The following CPLANE1 variants were observed in gnomAD, a reference collection of about 807,000 sequenced individuals.
The protein encoded by CPLANE1 is ciliogenesis and planar polarity effector complex subunit 1.
A neutral mutation model predicts 362.5 loss-of-function variants in CPLANE1; 263 were observed. That is an observed-to-expected ratio of 0.73 (90% CI 0.66 to 0.80). The LOEUF (loss-of-function observed/expected upper bound fraction) is 0.80, where lower values mean the gene tolerates loss of function less well. Ranked by LOEUF, CPLANE1 falls within the 30% of genes least tolerant of loss-of-function variation. The probability of loss-of-function intolerance (pLI) is 0.00; values close to 1 mark genes in which losing one functional copy is unlikely to be tolerated. For missense variants in CPLANE1, 3,461 were observed against 3,793.4 expected (o/e 0.91, Z 2.30); for synonymous variants, 1,212 against 1,302.6 (o/e 0.93, Z 1.50).
Position 37,162,559 on chromosome 5 carries a change from T to C in CPLANE1, c.7596A>G (p.Leu2532=), listed in dbSNP as rs201502145. ...LDDFDVPFEM[L]QDDNTSAGLH... Reference sequence around the variant, plus strand: ...ATCCAGCTGAAGTATTATCATCTTGTAGCATTTCTTAAATATAATAAAACA... The same window carrying C: ...ATCCAGCTGAAGTATTATCATCTTGCAGCATTTCTTAAATATAATAAAACA... The change falls in exon 38 of 53, where the codon CTA becomes CTG. Residue 2532 remains leucine, a synonymous_variant. Transcript: ENST00000651892. 2.2e-4 allele frequency: 352 copies of C among 1,603,844 alleles called. 2 individuals are homozygous for C. The highest frequency in any genetic ancestry group is 4.4e-5 in the Non-Finnish European group (52 of 1,171,766).
chr5:37,155,585 G>C (rs1380912216), intron 41 of CPLANE1, among the ~76,000 whole-genome samples: 6 of 152,154 alleles, frequency 3.9e-5, no homozygotes, highest in Non-Finnish European at 5.9e-5. Flanking sequence ...ATGTTGCCAA[G>C]GCCGGTGTCA....
the CPLANE1 span, chr5:37,085,637 GGT>G: frequency 1.0e-6 from 1 of 997,378 alleles, no homozygotes; most frequent in African/African-American, 1.6e-5. Context: ...GGGAATAACT[GGT>G]GTGATCACCA....
intron 51 of CPLANE1, among the ~76,000 whole-genome samples, chr5:37,111,401 C>T (rs551460747): frequency 6.6e-6 from 1 of 152,240 alleles, no homozygotes; most frequent in Non-Finnish European, 1.5e-5. Flanking sequence ...TGGGATTGTA[C>T]AGGCGTGAGC....
At chr5:37,139,558 C>G in intron 44 of CPLANE1, 188 bp from the exon 45 acceptor site, 1 of 1,091,964 alleles carries the variant, frequency 9.2e-7, no homozygotes, top group Non-Finnish European at 1.1e-6. Context: ...TGAATACTGT[C>G]TACATATTTT....
chr5:37,076,862 A>AAAG, the CPLANE1 span, among the ~76,000 whole-genome samples: 2 of 148,738 alleles, frequency 1.3e-5, no homozygotes, highest in African/African-American at 5.0e-5. Context: ...AGTTTTAGGG[A>AAAG]AAGATGATAC....
At chr5:37,219,075 C>A (rs889383703) in intron 15 of CPLANE1, among the ~76,000 whole-genome samples, 3 of 151,852 alleles carry the variant, frequency 2.0e-5, no homozygotes, top group African/African-American at 7.3e-5. Flanking sequence ...TTTAAAAAGT[C>A]ATATACAGAA....
At chr5:37,149,110 C>A (rs1772680597) in intron 42 of CPLANE1, among the ~76,000 whole-genome samples, 1 of 152,018 alleles carries the variant, frequency 6.6e-6, no homozygotes, top group Admixed American at 6.6e-5. Flanking sequence ...ACAAAATTAA[C>A]ATTATTTCCT....
chr5:37,180,455 G>A (rs1163139078), intron 27 of CPLANE1, among the ~76,000 whole-genome samples: 5 of 152,030 alleles, frequency 3.3e-5, no homozygotes, highest in Non-Finnish European at 5.9e-5. Flanking sequence ...TTATTTACTC[G>A]AATGATTGGA....
chr5:37,078,249 A>G, the CPLANE1 span, among the ~76,000 whole-genome samples: 1 of 151,880 alleles, frequency 6.6e-6, no homozygotes, highest in Non-Finnish European at 1.5e-5. Flanking sequence ...CTATGTGTCC[A>G]TGTGTTCTCA....
At chr5:37,164,120 A>G (rs1039002760) in intron 37 of CPLANE1, among the ~76,000 whole-genome samples, 153 bp downstream of exon 37, 3 of 152,176 alleles carry the variant, frequency 2.0e-5, no homozygotes, top group African/African-American at 7.2e-5. Context: ...TCAATTATCA[A>G]ACCTGAGTTG....
At position 37,180,055 on chromosome 5, in the gene CPLANE1, G is replaced by C; in HGVS notation, c.5699C>G (p.Thr1900Arg). Reference protein sequence around the residue: ...DENLLEVEAFTEEEMDMHISD... With the variant: ...DENLLEVEAFREEEMDMHISD... ...TATGTGCATATCCATTTCCTCTTCT[G>C]TAAATGCTTCTACTTCTAAAAGATT... The change falls in exon 28 of 53, where the codon ACA (threonine) becomes AGA (arginine). Residue 1900 changes from threonine to arginine, a missense_variant. Thr to Arg is a moderately conservative substitution (Grantham distance 71). This residue lies in a region of CPLANE1 where 3,380 missense variants were observed against 3,666.1 expected (regional missense o/e 0.92). Transcript: ENST00000651892. The C allele has an allele frequency of 5.1e-6, 8 of 1,571,502 alleles. No individual in the cohort carries two copies. Among genetic ancestry groups the C allele is most frequent in the Non-Finnish European group, 6.9e-6 (8 of 1,158,284 alleles).
chr5:37,234,682 T>A (rs190877259), intron 8 of CPLANE1, among the ~76,000 whole-genome samples: 5 of 152,184 alleles, frequency 3.3e-5, no homozygotes, highest in Admixed American at 3.3e-4. Context: ...GACATTCAGA[T>A]ACAGGAGGCC....
chr5:37,199,096 CAA>C (rs35945783), intron 19 of CPLANE1, among the ~76,000 whole-genome samples: 7 of 47,162 alleles, frequency 1.5e-4, no homozygotes, highest in South Asian at 1.0e-3. Context: ...CACCCTGTCT[CAA>C]AAAAAAAAAA....
chr5:37,078,916 A>G, the CPLANE1 span, among the ~76,000 whole-genome samples: 1 of 151,758 alleles, frequency 6.6e-6, no homozygotes, highest in South Asian at 2.1e-4. Context: ...TTTTCTTGTA[A>G]ATTTGTTTAA....
Position 37,182,799 on chromosome 5 carries a change from G to A in CPLANE1, c.5382C>T (p.Pro1794=), listed in dbSNP as rs763331229. ...ILTSLWLLEQ[P]YFATYKAKNA... Reference sequence around the variant, plus strand: ...TTTTTGCCTTATATGTAGCAAAATAGGGTTGTTCCAAAAGCCATAATGATG... The same window carrying A: ...TTTTTGCCTTATATGTAGCAAAATAAGGTTGTTCCAAAAGCCATAATGATG... The change falls in exon 26 of 53, where the codon CCC becomes CCT. Residue 1794 remains proline, a synonymous_variant. Coordinates refer to ENST00000651892, the MANE Select transcript of CPLANE1 (RefSeq NM_001384732.1). The A allele has an allele frequency of 1.2e-6, 2 of 1,613,328 alleles. No homozygotes were observed. The highest frequency in any genetic ancestry group is 1.7e-6 in the Non-Finnish European group (2 of 1,179,764).
At chr5:37,089,910 C>A in the CPLANE1 span, among the ~76,000 whole-genome samples, 17 of 152,124 alleles carry the variant, frequency 1.1e-4, no homozygotes, top group Non-Finnish European at 2.1e-4. Context: ...TTCCTGATTG[C>A]AAGATTATTC....
intron 20 of CPLANE1, 88 bp from the exon 21 acceptor site, chr5:37,196,084 T>C: frequency 9.3e-7 from 1 of 1,079,778 alleles, no homozygotes; most frequent in East Asian, 2.8e-5. Context: ...GCAGGTAAGA[T>C]AAGCCACACA....
At chr5:37,103,855 G>A (rs1342425923), downstream of CPLANE1, among the ~76,000 whole-genome samples, 1 of 151,994 alleles carries the variant, frequency 6.6e-6, no homozygotes, top group Non-Finnish European at 1.5e-5. Flanking sequence ...GGGTTTTCTT[G>A]TAAAGTATCT....
At chr5:37,181,885 G>A (rs1015679698) in intron 26 of CPLANE1, among the ~76,000 whole-genome samples, 9 of 151,682 alleles carry the variant, frequency 5.9e-5, no homozygotes, top group African/African-American at 1.9e-4. Context: ...AAGGTCAGGA[G>A]TTTGAGACCA....
Sources: gnomAD v4.1 joint callset for allele counts (sites outside exome capture counted in the v4.1 genomes callset) on GRCh38, gnomAD v4.1.1 for gene constraint, gnomAD v4.1.1 regional missense constraint, MANE v1.5 for transcripts, NCBI Gene and HGNC (gene_info 2026-07-23, HGNC 2026-07-21) for gene names.